The following SLC39A10 variants were observed in gnomAD, a reference collection of about 807,000 sequenced individuals.
The protein encoded by SLC39A10 is zinc transporter ZIP10.
Under a neutral mutation model 65.1 loss-of-function variants are expected in SLC39A10, and 13 were observed. The ratio of observed to expected loss-of-function variants is 0.20; its 90% CI spans 0.13 to 0.32. SLC39A10 has a LOEUF of 0.32. SLC39A10 is among the 10% of genes least tolerant of loss of function. The pLI is 1.00. For missense variants in SLC39A10, 831 were observed against 1,018.4 expected, an observed-to-expected ratio of 0.82 and a Z score of 2.50; for synonymous variants, 321 against 342.2, an observed-to-expected ratio of 0.94 and a Z score of 0.68.
chr2:195,685,959 TC>T (rs1434313026), intron 3 of SLC39A10, among the ~76,000 whole-genome samples: 2 of 152,210 alleles, frequency 1.3e-5, no homozygotes, highest in African/African-American at 4.8e-5. Flanking sequence ...CTGGTATACT[TC>T]GATAATGAAT....
At position 195,617,371 on chromosome 2, in the gene SLC39A10, G is replaced by T. The variant is rs369987161; in HGVS notation, c.-12+11138G>T. Among the ~76,000 whole-genome samples the T allele has an allele frequency of 8.6e-5, 13 of 152,002 alleles. No individual in the cohort carries two copies. In the East Asian group the frequency reaches 2.0e-3, roughly 23 times the overall value. On this transcript the variant is annotated intron_variant, in intron 2 of 2. Transcript: ENST00000458054. Reference sequence around the variant, plus strand: ...AGGTCAGGACTTTGAGGCCAGCCTGGCCAATATGGTGAAACCCCGTCTCTA... The same window carrying T: ...AGGTCAGGACTTTGAGGCCAGCCTGTCCAATATGGTGAAACCCCGTCTCTA...
At chr2:195,643,675 T>C (rs376129115) in intron 2 of SLC39A10, among the ~76,000 whole-genome samples, 4 of 152,198 alleles carry the variant, frequency 2.6e-5, no homozygotes, top group East Asian at 3.8e-4. Context: ...GAGGAGAAAC[T>C]GGAACCTTGA....
intron 2 of SLC39A10, among the ~76,000 whole-genome samples, chr2:195,640,340 GA>G (rs3049392): frequency 0.26 from 32,592 of 126,324 alleles, 3,743 homozygotes; most frequent in African/African-American, 0.35. Flanking sequence ...AGCATTAAAA[GA>G]AAAAAAAAAA....
At position 195,680,296 on chromosome 2, in the gene SLC39A10, T is replaced by C. The variant is rs1222025542; in HGVS notation, c.254T>C (p.Leu85Pro). 1 of 1,614,152 alleles carries C rather than the reference T, an allele frequency of 6.2e-7. No homozygotes were observed. Among genetic ancestry groups the C allele is most frequent in the Non-Finnish European group, 8.5e-7 (1 of 1,180,022 alleles). The change falls in exon 2 of 10, where the codon CTT becomes CCT. Residue 85 changes from leucine (L) to proline (P), a missense_variant. Physicochemically the swap from Leu to Pro is moderately conservative, Grantham distance 98. This residue lies in a region of SLC39A10 where 446 missense variants were observed against 499.2 expected (regional missense o/e 0.89). Coordinates refer to ENST00000359634, the MANE Select transcript of SLC39A10 (RefSeq NM_020342.3). ...GRLSFFGLEK[L>P]LTNLGLGERK... ...TTATCCTTTTTTGGTTTGGAGAAACTTTTAACAAACTTGGGCCTTGGAGAG... is the reference window on the plus strand; with the variant it reads ...TTATCCTTTTTTGGTTTGGAGAAACCTTTAACAAACTTGGGCCTTGGAGAG...
intron 2 of SLC39A10, among the ~76,000 whole-genome samples, chr2:195,623,753 C>T (rs1433365812): frequency 6.6e-6 from 1 of 152,000 alleles, no homozygotes; most frequent in East Asian, 1.9e-4. Context: ...ATTCTTTTTT[C>T]TCAGCAACTT....
chr2:195,734,947 TC>T lies in SLC39A10; in HGVS notation c.2403del (p.Phe801LeufsTer6). 6.2e-7 allele frequency: 1 copy of T among 1,612,990 alleles called. No homozygotes were observed. Among genetic ancestry groups the T allele is most frequent in the Non-Finnish European group, 8.5e-7 (1 of 1,179,566 alleles). ...CATGGCTTTTGTCCTGTGGGGCAAT[TC>T]ATCCTTCAGAATTTAGGATTGCTCT... ...EEHGFCPVGQ[F>X]ILQNLGLLFG... On this transcript the variant is annotated frameshift_variant, in exon 10 of 10. Transcript: ENST00000359634. LOFTEE classifies it high-confidence loss of function.
rs563709241 is a variant in SLC39A10 at position 195,723,804 on chromosome 2, G to T, written c.2147-4355G>T. On this transcript the variant is annotated intron_variant, in intron 8 of 9. Coordinates refer to ENST00000359634, the MANE Select transcript of SLC39A10 (RefSeq NM_020342.3). The stretch of plus-strand genomic sequence containing the variant: ...TAGAAAACTTACCTATTGGGTACTG[G>T]GTACTATTGTGTAGTATACCAGGGT... 6.6e-5 allele frequency among the ~76,000 whole-genome samples: 10 copies of T among 151,962 alleles called. No individual in the cohort carries two copies. In the East Asian group the frequency reaches 1.9e-3, roughly 29 times the overall value.
intron 6 of SLC39A10, among the ~76,000 whole-genome samples, chr2:195,715,525 CAAAAAAAAAAAAAA>C (rs545656309): frequency 3.2e-5 from 2 of 61,596 alleles, no homozygotes; most frequent in African/African-American, 5.6e-5. Flanking sequence ...GACTCTGTCT[CAAAAAAAAAAAAAA>C]AAAAAAAAAG....
chr2:195,713,659 C>A, intron 6 of SLC39A10, 106 bp downstream of exon 6: 1 of 1,240,144 alleles, frequency 8.1e-7, no homozygotes, highest in Non-Finnish European at 1.1e-6. Context: ...TTAAATAATA[C>A]AGTAAACTAA....
At chr2:195,727,433 A>G (rs1400702767) in intron 8 of SLC39A10, among the ~76,000 whole-genome samples, 1 of 152,154 alleles carries the variant, frequency 6.6e-6, no homozygotes, top group Non-Finnish European at 1.5e-5. Context: ...TCAGCCAGAT[A>G]TTTATGTGCA....
chr2:195,705,196 A>T (rs1247546603), intron 3 of SLC39A10, among the ~76,000 whole-genome samples: 5 of 152,116 alleles, frequency 3.3e-5, no homozygotes, highest in Admixed American at 3.3e-4. Context: ...TCCTTCCTTA[A>T]TCCAAAATCC....
chr2:195,721,058 C>T (rs879649600), intron 8 of SLC39A10, among the ~76,000 whole-genome samples: 1 of 152,134 alleles, frequency 6.6e-6, no homozygotes, highest in Admixed American at 6.6e-5. Context: ...CCTTCTACCT[C>T]AGCCTCCTGA....
intron 6 of SLC39A10, among the ~76,000 whole-genome samples, chr2:195,714,985 CTCGTGAT>C (rs1691736849): frequency 6.6e-6 from 1 of 152,062 alleles, no homozygotes; most frequent in South Asian, 2.1e-4. Flanking sequence ...ATCTCCTGAC[CTCGTGAT>C]TCGCCTGCCT....
At chr2:195,642,019 C>T (rs1688820414) in intron 2 of SLC39A10, among the ~76,000 whole-genome samples, 1 of 152,080 alleles carries the variant, frequency 6.6e-6, no homozygotes. Flanking sequence ...TGTGAAGTCA[C>T]GAGCAATTAA....
At chr2:195,689,175 TG>T in intron 3 of SLC39A10, among the ~76,000 whole-genome samples, 1 of 152,282 alleles carries the variant, frequency 6.6e-6, no homozygotes, top group African/African-American at 2.4e-5. Flanking sequence ...TTTGACAGTC[TG>T]AGGCAAGAGC....
At chr2:195,734,158 T>TAAA (rs1559054819) in intron 9 of SLC39A10, among the ~76,000 whole-genome samples, 17 of 62,514 alleles carry the variant, frequency 2.7e-4, no homozygotes, top group South Asian at 2.2e-3. Context: ...TCCTTTTTTT[T>TAAA]TAAAAAAAAA....
intron 2 of SLC39A10, among the ~76,000 whole-genome samples, chr2:195,623,866 A>T (rs1688401739): frequency 6.6e-6 from 1 of 150,688 alleles, no homozygotes; most frequent in South Asian, 2.1e-4. Context: ...GTCATTTATT[A>T]AAAAAAATAA....
intron 3 of SLC39A10, among the ~76,000 whole-genome samples, chr2:195,700,737 C>T (rs1290963110): frequency 2.6e-5 from 4 of 152,152 alleles, no homozygotes; most frequent in Admixed American, 2.0e-4. Flanking sequence ...TTGAATGTAT[C>T]GGTCTATTGC....
At chr2:195,663,381 A>G (rs1211589572) in intron 1 of SLC39A10, among the ~76,000 whole-genome samples, 1 of 152,240 alleles carries the variant, frequency 6.6e-6, no homozygotes, top group Non-Finnish European at 1.5e-5. Context: ...TGTGTTATAG[A>G]GGAACATAGC....
Sources: gnomAD v4.1 joint callset for allele counts (sites outside exome capture counted in the v4.1 genomes callset) on GRCh38, gnomAD v4.1.1 for gene constraint, gnomAD v4.1.1 regional missense constraint, MANE v1.5 for transcripts, NCBI Gene and HGNC (gene_info 2026-07-23, HGNC 2026-07-21) for gene names.